IQGAP1: variants seen among roughly 807,000 people sequenced by gnomAD.
IQGAP1 encodes IQ motif containing GTPase activating protein 1, also known as ras GTPase-activating-like protein IQGAP1.
IQGAP1 carries 66 observed loss-of-function variants against 215.6 expected under a neutral mutation model. That is an observed-to-expected ratio of 0.31 (90% CI 0.25 to 0.38). The LOEUF (loss-of-function observed/expected upper bound fraction) is 0.38, where lower values mean the gene tolerates loss of function less well. IQGAP1 is among the 10% of genes least tolerant of loss of function. The pLI is 1.00. For synonymous variants in IQGAP1, 772 were observed against 728.7 expected (o/e 1.06, Z -0.96); for missense variants, 1,712 against 1,997.1 (o/e 0.86, Z 2.72).
intron 2 of IQGAP1, among the ~76,000 whole-genome samples, chr15:90,409,481 A>G (rs1596252658): frequency 1.3e-5 from 2 of 151,436 alleles, no homozygotes; most frequent in South Asian, 4.2e-4. Flanking sequence ...CAAATGATCC[A>G]CCCGCCTTGG....
intron 6 of IQGAP1, among the ~76,000 whole-genome samples, chr15:90,440,191 C>T (rs377418620): frequency 6.6e-6 from 1 of 152,100 alleles, no homozygotes; most frequent in Admixed American, 6.5e-5. Context: ...GTTGAGCTCA[C>T]GTTAAAGCTG....
chr15:90,483,276 C>T (rs1966083678), intron 28 of IQGAP1, 85 bp from the exon 29 acceptor site: 3 of 956,242 alleles, frequency 3.1e-6, no homozygotes, highest in Non-Finnish European at 4.9e-6. Flanking sequence ...ACTGCATTTT[C>T]TGCTTTTCTT....
chr15:90,494,452 G>A, intron 35 of IQGAP1: 1 of 236,436 alleles, frequency 4.2e-6, no homozygotes, highest in African/African-American at 2.3e-5. Flanking sequence ...GGACATGGGA[G>A]GATTAAGACA....
At chr15:90,419,044 G>T (rs913051036) in intron 2 of IQGAP1, among the ~76,000 whole-genome samples, 15 of 151,694 alleles carry the variant, frequency 9.9e-5, no homozygotes, top group African/African-American at 3.6e-4. Context: ...CTTCTTGAGA[G>T]GCTAGGTAGG....
intron 2 of IQGAP1, among the ~76,000 whole-genome samples, chr15:90,397,027 A>T (rs1596246625): frequency 6.6e-6 from 1 of 151,808 alleles, no homozygotes. Flanking sequence ...TAATTTTTGT[A>T]TTTTTAGTAG....
intron 4 of IQGAP1, among the ~76,000 whole-genome samples, chr15:90,431,494 T>G (rs1410118345): frequency 6.6e-6 from 1 of 152,250 alleles, no homozygotes; most frequent in African/African-American, 2.4e-5. Flanking sequence ...CTAAGAGCTT[T>G]GTTAATATTT....
intron 15 of IQGAP1, among the ~76,000 whole-genome samples, chr15:90,462,930 C>G (rs896753302): frequency 2.6e-5 from 4 of 152,202 alleles, no homozygotes; most frequent in African/African-American, 9.7e-5. Context: ...CTTTAACACT[C>G]TGCTCAGTCA....
chr15:90,453,084 G>A (rs780967958), intron 12 of IQGAP1, 48 bp from the exon 13 acceptor site: 6 of 1,569,584 alleles, frequency 3.8e-6, no homozygotes, highest in Non-Finnish European at 5.2e-6. Context: ...CCTGGGTCTT[G>A]GAGAATGTCT....
intron 26 of IQGAP1, among the ~76,000 whole-genome samples, chr15:90,479,563 C>A (rs1966026780): frequency 1.4e-5 from 2 of 141,014 alleles, no homozygotes; most frequent in African/African-American, 2.8e-5. Context: ...CATAGGGATA[C>A]CTTGTCCCTA....
intron 2 of IQGAP1, among the ~76,000 whole-genome samples, chr15:90,393,237 T>TA (rs1245072216): frequency 6.6e-6 from 1 of 152,160 alleles, no homozygotes; most frequent in Non-Finnish European, 1.5e-5. Flanking sequence ...CACCTGCAGA[T>TA]ATCAGAATCC....
chr15:90,405,863 C>T (rs778974336), intron 2 of IQGAP1, among the ~76,000 whole-genome samples: 1 of 151,092 alleles, frequency 6.6e-6, no homozygotes, highest in Non-Finnish European at 1.5e-5. Context: ...TCTTCAGAGA[C>T]TATTTCAAAT....
chr15:90,459,891 G>A (rs1965737033), intron 15 of IQGAP1, among the ~76,000 whole-genome samples: 1 of 152,152 alleles, frequency 6.6e-6, no homozygotes, highest in Non-Finnish European at 1.5e-5. Flanking sequence ...TTTGGTATCA[G>A]GGTAATACTG....
At chr15:90,496,484 C>A (rs1021733017) in intron 36 of IQGAP1, among the ~76,000 whole-genome samples, 6 of 151,828 alleles carry the variant, frequency 4.0e-5, no homozygotes, top group Admixed American at 2.6e-4. Flanking sequence ...TGCCACTATG[C>A]CCAGCTAATT....
chr15:90,394,339 C>G (rs116609781), intron 2 of IQGAP1, among the ~76,000 whole-genome samples: 106 of 152,008 alleles, frequency 7.0e-4, no homozygotes, highest in African/African-American at 2.5e-3. Flanking sequence ...TTGTTTAAGG[C>G]TTTGATTTTA....
rs1172865197 is a variant in IQGAP1, at chr15:90,482,017, AC to A, written c.3388del (p.Arg1130GlyfsTer2). Reference sequence around the variant, plus strand: ...CGCTAGCTCATGAAGAAGTGAAGACACGGCTAGACAGCTCCATCAGGAACAT... The same window carrying A: ...CGCTAGCTCATGAAGAAGTGAAGACAGGCTAGACAGCTCCATCAGGAACAT... ...QALAHEEVKTRLDSSIRNMRA... is the reference protein window; with the variant it reads ...QALAHEEVKTXLDSSIRNMRA... On this transcript the variant is annotated frameshift_variant, in exon 27 of 38. Transcript: ENST00000268182. LOFTEE classifies it high-confidence loss of function. The A allele has an allele frequency of 3.7e-6, 6 of 1,614,258 alleles. No homozygotes were observed.
At chr15:90,411,561 A>G (rs1023767339) in intron 2 of IQGAP1, among the ~76,000 whole-genome samples, 2 of 152,156 alleles carry the variant, frequency 1.3e-5, no homozygotes, top group African/African-American at 4.8e-5. Flanking sequence ...GATTGCTTTT[A>G]CAGAGAAATA....
intron 33 of IQGAP1, among the ~76,000 whole-genome samples, chr15:90,490,884 C>T (rs1966193592): frequency 6.6e-6 from 1 of 152,234 alleles, no homozygotes; most frequent in Non-Finnish European, 1.5e-5. Context: ...TCTTGGCTCA[C>T]TGCAAGCTCC....
intron 2 of IQGAP1, among the ~76,000 whole-genome samples, chr15:90,405,630 C>G (rs1964866695): frequency 1.3e-5 from 2 of 152,022 alleles, no homozygotes; most frequent in Admixed American, 6.6e-5. Flanking sequence ...AAATATTATT[C>G]AAGTGGCAAA....
At chr15:90,448,401 C>G (rs1207267839) in intron 9 of IQGAP1, among the ~76,000 whole-genome samples, 172 bp from the exon 10 acceptor site, 2 of 152,118 alleles carry the variant, frequency 1.3e-5, no homozygotes, top group Non-Finnish European at 2.9e-5. Context: ...GACTTGATGA[C>G]TCTAAGGTTC....
Sources: gnomAD v4.1 joint callset for allele counts (sites outside exome capture counted in the v4.1 genomes callset) on GRCh38, gnomAD v4.1.1 for gene constraint, MANE v1.5 for transcripts, NCBI Gene and HGNC (gene_info 2026-07-23, HGNC 2026-07-21) for gene names.